The following DLG2 variants were observed in gnomAD, a reference collection of about 807,000 sequenced individuals.
DLG2 encodes discs large MAGUK scaffold protein 2.
Under a neutral mutation model 132.5 loss-of-function variants are expected in DLG2, and 45 were observed. The observed-to-expected ratio is 0.34, with a 90% CI of 0.27 to 0.44. The LOEUF is 0.44. Among genes scored for constraint, DLG2 ranks in the 20% least tolerant of loss-of-function variants. The pLI is 1.00. For synonymous variants in DLG2, 424 were observed against 419.6 expected, an observed-to-expected ratio of 1.01 and a Z score of -0.13; for missense variants, 1,045 against 1,196.9, an observed-to-expected ratio of 0.87 and a Z score of 1.87.
At chr11:84,005,094 A>G (rs975129479) in intron 11 of DLG2, among the ~76,000 whole-genome samples, 9 of 151,954 alleles carry the variant, frequency 5.9e-5, no homozygotes, top group African/African-American at 2.2e-4. Context: ...AGCTGGAGGC[A>G]TCATACAACC....
intron 6 of DLG2, among the ~76,000 whole-genome samples, chr11:84,767,970 A>G (rs1392821118): frequency 6.6e-6 from 1 of 152,174 alleles, no homozygotes; most frequent in Admixed American, 6.6e-5. Context: ...CTGCATTAAG[A>G]AAATGATACT....
chr11:85,516,943 T>C (rs1000520867), intron 3 of DLG2, among the ~76,000 whole-genome samples: 3 of 151,880 alleles, frequency 2.0e-5, no homozygotes, highest in South Asian at 4.1e-4. Context: ...ACCACCCTGA[T>C]ATGAAAGGCA....
At chr11:85,548,859 C>T (rs989759062) in intron 3 of DLG2, among the ~76,000 whole-genome samples, 1 of 152,158 alleles carries the variant, frequency 6.6e-6, no homozygotes, top group Admixed American at 6.5e-5. Flanking sequence ...TCGAGCATCG[C>T]GGGTCAAGCT....
At chr11:85,307,757 G>A (rs574666210) in intron 3 of DLG2, among the ~76,000 whole-genome samples, 1 of 152,230 alleles carries the variant, frequency 6.6e-6, no homozygotes, top group South Asian at 2.1e-4. Flanking sequence ...ATCTAGTCTG[G>A]TCTCTCTATT....
At chr11:84,159,513 C>T (rs572506777) in intron 9 of DLG2, among the ~76,000 whole-genome samples, 126 of 151,836 alleles carry the variant, frequency 8.3e-4, no homozygotes, top group African/African-American at 2.9e-3. Context: ...AAAAGCTTGG[C>T]TTGTTTGAGA....
chr11:83,544,815 T>C (rs527438470), intron 19 of DLG2, among the ~76,000 whole-genome samples: 11 of 152,004 alleles, frequency 7.2e-5, no homozygotes, highest in Non-Finnish European at 1.0e-4. Context: ...GTGGTGGAGG[T>C]TGAATATAAA....
chr11:84,316,946 GA>G, intron 7 of DLG2: 4 of 1,612,776 alleles, frequency 2.5e-6, no homozygotes, highest in Non-Finnish European at 2.5e-6. Flanking sequence ...GTTGAAGCTG[GA>G]CCCCCCGGTC....
intron 6 of DLG2, among the ~76,000 whole-genome samples, chr11:84,897,979 T>G (rs79392603): frequency 0.069 from 10,512 of 151,974 alleles, 367 homozygotes; most frequent in Admixed American, 0.094. Flanking sequence ...ACTGTGCTTT[T>G]CTACCCTGAA....
intron 14 of DLG2, among the ~76,000 whole-genome samples, chr11:83,932,629 G>A (rs1451392875): frequency 6.6e-6 from 1 of 152,064 alleles, no homozygotes; most frequent in Non-Finnish European, 1.5e-5. Flanking sequence ...TATACAGAAA[G>A]TACAACATAG....
At chr11:83,697,591 C>A (rs1425822730) in intron 18 of DLG2, among the ~76,000 whole-genome samples, 1 of 152,168 alleles carries the variant, frequency 6.6e-6, no homozygotes, top group Non-Finnish European at 1.5e-5. Context: ...ACAAGCTGAT[C>A]TGTTTCTAAA....
At chr11:84,358,175 A>G (rs898142458) in intron 7 of DLG2, among the ~76,000 whole-genome samples, 3 of 151,956 alleles carry the variant, frequency 2.0e-5, no homozygotes, top group African/African-American at 4.8e-5. Context: ...ATACTCATGC[A>G]CACTTTCTAA....
chr11:84,901,947 A>G (rs2090942237), intron 6 of DLG2, among the ~76,000 whole-genome samples: 1 of 152,164 alleles, frequency 6.6e-6, no homozygotes, highest in African/African-American at 2.4e-5. Context: ...AAATATAGGA[A>G]TTCTGGAAAT....
intron 6 of DLG2, among the ~76,000 whole-genome samples, chr11:85,031,918 G>A (rs1238390788): frequency 1.3e-5 from 2 of 150,500 alleles, no homozygotes; most frequent in Non-Finnish European, 2.9e-5. Context: ...TGAGAGGCTG[G>A]GGCTACAAGT....
At chr11:84,123,045 AT>A (rs1432841975) in intron 9 of DLG2, among the ~76,000 whole-genome samples, 2 of 152,212 alleles carry the variant, frequency 1.3e-5, no homozygotes, top group East Asian at 3.9e-4. Flanking sequence ...GCAGAGAGAC[AT>A]GACTATGGGT....
At chr11:84,702,774 A>G (rs2153743973) in intron 6 of DLG2, among the ~76,000 whole-genome samples, 1 of 151,684 alleles carries the variant, frequency 6.6e-6, no homozygotes, top group South Asian at 2.1e-4. Context: ...TTGTATATCT[A>G]TTTAAGTCTT....
intron 16 of DLG2, among the ~76,000 whole-genome samples, chr11:83,857,728 G>A (rs781174616): frequency 2.2e-4 from 34 of 151,976 alleles, no homozygotes; most frequent in Admixed American, 6.6e-5. Context: ...TCTAACAAAT[G>A]TACTTCTCTG....
intron 11 of DLG2, among the ~76,000 whole-genome samples, chr11:84,050,659 T>C (rs1223915771): frequency 1.3e-5 from 2 of 152,074 alleles, no homozygotes; most frequent in African/African-American, 4.8e-5. Context: ...AGGTCTAACA[T>C]TTAAGTCTTT....
intron 21 of DLG2, among the ~76,000 whole-genome samples, chr11:83,523,365 T>C (rs1040608015): frequency 6.6e-6 from 1 of 152,230 alleles, no homozygotes; most frequent in African/African-American, 2.4e-5. Flanking sequence ...CTCCTATTTA[T>C]ATTACTTTAG....
At chr11:84,536,070 G>A (rs1252727757) in intron 6 of DLG2, among the ~76,000 whole-genome samples, 4 of 152,072 alleles carry the variant, frequency 2.6e-5, no homozygotes, top group Non-Finnish European at 4.4e-5. Flanking sequence ...CTCAGAAGCA[G>A]ATTATCAATA....
Sources: gnomAD v4.1 joint callset for allele counts (sites outside exome capture counted in the v4.1 genomes callset) on GRCh38, gnomAD v4.1.1 for gene constraint, MANE v1.5 for transcripts, NCBI Gene and HGNC (gene_info 2026-07-23, HGNC 2026-07-21) for gene names.